ZFHX4: variants seen among roughly 807,000 people sequenced by gnomAD.
The protein encoded by ZFHX4 is zinc finger homeobox protein 4.
Under a neutral mutation model 267.6 loss-of-function variants are expected in ZFHX4, and 56 were observed. That is an observed-to-expected ratio of 0.21 (90% CI 0.17 to 0.26). The LOEUF is 0.26. Among genes scored for constraint, ZFHX4 ranks in the 10% least tolerant of loss-of-function variants. The pLI is 1.00. For missense variants in ZFHX4, 4,332 were observed against 4,420.0 expected (o/e 0.98, Z 0.56); for synonymous variants, 1,778 against 1,665.6 (o/e 1.07, Z -1.64).
chr8:76,723,843 T>C (rs1445888022), intron 3 of ZFHX4, among the ~76,000 whole-genome samples: 1 of 152,114 alleles, frequency 6.6e-6, no homozygotes, highest in Non-Finnish European at 1.5e-5. Context: ...CATGAAACTC[T>C]TCCTCTAATC....
Position 76,859,884 on chromosome 8 carries a change from A to G in ZFHX4, c.9380-3210A>G, listed in dbSNP as rs1586021860. ...TAAGAAGCAGGCATTTTCTTCTGAA[A>G]GTATTACTATCAGGACAAGGTAGCT... is the stretch of plus-strand genomic sequence containing the variant. On this transcript the variant is annotated intron_variant, in intron 10 of 10. Transcript: ENST00000651372. Among the ~76,000 whole-genome samples, 3 of 152,262 alleles carry G rather than the reference A, an allele frequency of 2.0e-5. No individual in the cohort carries two copies. The East Asian group carries it at 5.8e-4, about 29-fold the overall frequency.
At chr8:76,835,247 A>ATATATATATGTATATATATG (rs1812059362) in intron 5 of ZFHX4, among the ~76,000 whole-genome samples, 1 of 138,780 alleles carries the variant, frequency 7.2e-6, no homozygotes, top group African/African-American at 2.8e-5. Context: ...ATATGTATAT[A>ATATATATATGTATATATATG]TATATATATA....
intron 1 of ZFHX4, among the ~76,000 whole-genome samples, chr8:76,682,057 G>A (rs1406229849): frequency 6.6e-6 from 1 of 152,094 alleles, no homozygotes; most frequent in Non-Finnish European, 1.5e-5. Context: ...GGGCATTCTA[G>A]TGGCTGGGGG....
chr8:76,772,860 T>G (rs1456259448), intron 3 of ZFHX4, among the ~76,000 whole-genome samples: 2 of 152,156 alleles, frequency 1.3e-5, no homozygotes, highest in Non-Finnish European at 2.9e-5. Flanking sequence ...CTGCCTTGAC[T>G]GCCGCTCTAC....
At position 76,828,860 on chromosome 8, in the gene ZFHX4, C is replaced by T. The variant is rs146393247; in HGVS notation, c.3326-4478C>T. On this transcript the variant is annotated intron_variant, in intron 4 of 10. Coordinates refer to ENST00000651372, the MANE Select transcript of ZFHX4 (RefSeq NM_024721.5). Reference sequence around the variant, plus strand: ...CAGAAAATGTTTTTCTTCGCCTTTACTATTTTACACCAGTTGGCTTAATAT... The same window carrying T: ...CAGAAAATGTTTTTCTTCGCCTTTATTATTTTACACCAGTTGGCTTAATAT... Among the ~76,000 whole-genome samples the T allele has an allele frequency of 2.1e-3, 313 of 152,270 alleles. 1 individual carries two copies. Among genetic ancestry groups the T allele is most frequent in the Admixed American group, 3.9e-3 (59 of 15,294 alleles).
chr8:76,698,660 C>A (rs1171774319), intron 1 of ZFHX4, among the ~76,000 whole-genome samples: 1 of 151,994 alleles, frequency 6.6e-6, no homozygotes, highest in Non-Finnish European at 1.5e-5. Flanking sequence ...TCTTCTTTGA[C>A]TAGCTAACAG....
intron 5 of ZFHX4, 160 bp downstream of exon 5, chr8:76,833,566 A>G (rs1284902207): frequency 1.2e-5 from 7 of 585,526 alleles, no homozygotes; most frequent in Non-Finnish European, 1.5e-5. Context: ...AATAAATTCA[A>G]TAATTGGAAG....
intron 5 of ZFHX4, among the ~76,000 whole-genome samples, chr8:76,841,646 G>A (rs774054536): frequency 6.6e-6 from 1 of 152,118 alleles, no homozygotes; most frequent in African/African-American, 2.4e-5. Flanking sequence ...AAGATTTTAT[G>A]AAATTGAGCC....
Position 76,720,732 on chromosome 8 carries a change from A to G in ZFHX4, c.3093+12684A>G, listed in dbSNP as rs914229410. On this transcript the variant is annotated intron_variant, in intron 3 of 10. Coordinates refer to ENST00000651372, the MANE Select transcript of ZFHX4 (RefSeq NM_024721.5). The stretch of plus-strand genomic sequence containing the variant: ...CTCAGTTAAGAAAATTGATGGTAGC[A>G]TATGTTGAGCACTTATTTGGTGTCA... 2.0e-5 allele frequency among the ~76,000 whole-genome samples: 3 copies of G among 152,202 alleles called. No individual in the cohort carries two copies. The East Asian group carries it at 5.8e-4, about 29-fold the overall frequency.
At chr8:76,860,612 G>A (rs1812840673) in intron 10 of ZFHX4, among the ~76,000 whole-genome samples, 1 of 152,084 alleles carries the variant, frequency 6.6e-6, no homozygotes, top group Non-Finnish European at 1.5e-5. Flanking sequence ...TTATGAGGAA[G>A]TTGTACTGTT....
At chr8:76,709,268 G>A (rs969784493) in intron 3 of ZFHX4, among the ~76,000 whole-genome samples, 1 of 152,174 alleles carries the variant, frequency 6.6e-6, no homozygotes, top group African/African-American at 2.4e-5. Context: ...GTGAGAATTT[G>A]TAGCACTCTT....
chr8:76,796,077 G>T (rs1296898089), intron 4 of ZFHX4, among the ~76,000 whole-genome samples: 1 of 152,108 alleles, frequency 6.6e-6, no homozygotes, highest in African/African-American at 2.4e-5. Context: ...AAGTATATTT[G>T]GGGATGGTTG....
intron 3 of ZFHX4, among the ~76,000 whole-genome samples, chr8:76,751,602 G>A (rs1321331374): frequency 1.3e-5 from 2 of 152,148 alleles, no homozygotes; most frequent in Non-Finnish European, 2.9e-5. Context: ...ACTTTTACCA[G>A]AATTTTTAGA....
intron 3 of ZFHX4, among the ~76,000 whole-genome samples, chr8:76,735,946 T>C (rs1191363383): frequency 6.6e-6 from 1 of 152,082 alleles, no homozygotes; most frequent in Non-Finnish European, 1.5e-5. Context: ...ATCTTCAATA[T>C]CAACTTTAAG....
intron 10 of ZFHX4, among the ~76,000 whole-genome samples, chr8:76,860,864 C>T (rs1049442273): frequency 3.3e-5 from 5 of 152,200 alleles, no homozygotes; most frequent in Admixed American, 6.5e-5. Context: ...GAACCTTTTT[C>T]GTACTACTTT....
At chr8:76,783,797 G>T (rs934132271) in intron 4 of ZFHX4, among the ~76,000 whole-genome samples, 2 of 151,794 alleles carry the variant, frequency 1.3e-5, no homozygotes, top group Non-Finnish European at 2.9e-5. Flanking sequence ...TCTCTAACCC[G>T]GTTCAAATGG....
rs760258195 is a variant in ZFHX4, at chr8:76,706,292, G to C, written c.2204G>C (p.Gly735Ala). The change falls in exon 2 of 11, where the codon GGT becomes GCT. Residue 735 changes from glycine to alanine, a missense_variant. Gly to Ala is a moderately conservative substitution (Grantham distance 60, BLOSUM62 0). Around this residue, in one of 7 missense-constraint regions of ZFHX4, gnomAD observed 1,195 missense variants for 1,173.6 expected, o/e 1.02. Coordinates refer to ENST00000651372, the MANE Select transcript of ZFHX4 (RefSeq NM_024721.5). ...GTTCAGAATCTCCAAAATGGCAATG[G>C]TGAGCAGGTGTTTGGCCACTCTGCC... ...NNVQNLQNGN[G>A]EQVFGHSAPA... The C allele has an allele frequency of 6.2e-7, 1 of 1,614,092 alleles. No homozygotes were observed. Among genetic ancestry groups the C allele is most frequent in the Admixed American group, 1.7e-5 (1 of 60,022 alleles).
chr8:76,820,371 G>A (rs140135340), intron 4 of ZFHX4, among the ~76,000 whole-genome samples: 35 of 151,998 alleles, frequency 2.3e-4, no homozygotes, highest in African/African-American at 8.4e-4. Context: ...ACTACTTGCT[G>A]TTATCATGTA....
intron 4 of ZFHX4, among the ~76,000 whole-genome samples, chr8:76,785,734 G>A (rs911677018): frequency 6.6e-6 from 1 of 152,264 alleles, no homozygotes; most frequent in African/African-American, 2.4e-5. Context: ...CTTGTCTATA[G>A]ATGCCAAGTG....
Sources: gnomAD v4.1 joint callset for allele counts (sites outside exome capture counted in the v4.1 genomes callset) on GRCh38, gnomAD v4.1.1 for gene constraint, gnomAD v4.1.1 regional missense constraint, MANE v1.5 for transcripts, NCBI Gene and HGNC (gene_info 2026-07-23, HGNC 2026-07-21) for gene names.